The following SFXN1 variants were observed in gnomAD, a reference collection of about 807,000 sequenced individuals.
SFXN1 encodes the protein sideroflexin 1.
Under a neutral mutation model 39.5 loss-of-function variants are expected in SFXN1, and 32 were observed. That is an observed-to-expected ratio of 0.81 (90% CI 0.61 to 1.09). The LOEUF (loss-of-function observed/expected upper bound fraction) is 1.09, where lower values mean the gene tolerates loss of function less well. SFXN1 is among the 50% of genes least tolerant of loss of function. The pLI is 0.00. For missense variants in SFXN1, 402 were observed against 407.1 expected (o/e 0.99, Z 0.11); for synonymous variants, 136 against 146.5 (o/e 0.93, Z 0.52).
At chr5:175,500,482 G>GT (rs1338920786) in intron 2 of SFXN1, among the ~76,000 whole-genome samples, 2 of 149,720 alleles carry the variant, frequency 1.3e-5, no homozygotes, top group Non-Finnish European at 3.0e-5. Context: ...CAGAGCTTGG[G>GT]TTTTTTTAAA....
rs115077320 is a variant in SFXN1 at position 175,521,832 on chromosome 5, G to A, written c.775-87G>A. 8,878 of 1,043,826 alleles carry A rather than the reference G, an allele frequency of 8.5e-3. 511 individuals carry two copies. In the African/African-American group the frequency reaches 0.12, roughly 14 times the overall value. 64.7% of individuals were successfully genotyped at this position (1,043,826 alleles called of 1,614,324 possible). Reference sequence around the variant, plus strand: ...TGTTCTATCTGAATCTTGAAATGTGGTGAGAGGTTCCTTCCAGTTAATCAG... The same window carrying A: ...TGTTCTATCTGAATCTTGAAATGTGATGAGAGGTTCCTTCCAGTTAATCAG... On this transcript the variant is annotated intron_variant, in intron 8 of 10. Coordinates refer to ENST00000321442, the MANE Select transcript of SFXN1 (RefSeq NM_022754.7).
Position 175,513,434 on chromosome 5 carries a change from G to A in SFXN1, c.597-29G>A, listed in dbSNP as rs190209027. On this transcript the variant is annotated intron_variant, in intron 6 of 10. Coordinates refer to ENST00000321442, the MANE Select transcript of SFXN1 (RefSeq NM_022754.7). ...AGGACGTTTATTGAAGGCATTGGTG[G>A]AGCTCTCTGTATGTGTTTTGCTCTG... 5,894 of 1,607,902 alleles carry A rather than the reference G, an allele frequency of 3.7e-3. 16 individuals carry two copies. The highest frequency in any genetic ancestry group is 0.013 in the Middle Eastern group (79 of 6,030).
intron 1 of SFXN1, among the ~76,000 whole-genome samples, chr5:175,485,544 T>A (rs1483978674): frequency 6.6e-6 from 1 of 152,212 alleles, no homozygotes; most frequent in Non-Finnish European, 1.5e-5. Flanking sequence ...TATTCCAGGA[T>A]CATGCCTGCA....
At chr5:175,508,510 C>T (rs1447290718) in intron 2 of SFXN1, among the ~76,000 whole-genome samples, 2 of 152,072 alleles carry the variant, frequency 1.3e-5, no homozygotes, top group African/African-American at 2.4e-5. Flanking sequence ...GCTGAGATTA[C>T]AGGCATAAGC....
At chr5:175,482,982 G>A (rs1221273786) in intron 1 of SFXN1, among the ~76,000 whole-genome samples, 5 of 152,148 alleles carry the variant, frequency 3.3e-5, no homozygotes, top group Non-Finnish European at 1.5e-5. Flanking sequence ...GAGTACATAA[G>A]AGGCCTTCAG....
intron 1 of SFXN1, among the ~76,000 whole-genome samples, chr5:175,486,126 A>C (rs529969515): frequency 6.6e-6 from 1 of 151,852 alleles, no homozygotes; most frequent in Non-Finnish European, 1.5e-5. Flanking sequence ...AGTAACCTTA[A>C]GGTTATTGTA....
At position 175,510,160 on chromosome 5, in the gene SFXN1, C is replaced by G. The variant is rs549577181; in HGVS notation, c.387C>G (p.Ala129=). Residue 129 remains alanine, a synonymous_variant, in exon 4 of 11, where the codon GCC becomes GCG. Transcript: ENST00000321442. The part of the protein sequence containing the change: ...FWQWINQSFN[A]VVNYTNRSGD... ...AGTGGATTAACCAGTCCTTCAATGC[C>G]GTCGTCAATTACACCAACAGAAGTG... 1 of 1,613,212 alleles carries G rather than the reference C, an allele frequency of 6.2e-7. No homozygotes were observed.
intron 7 of SFXN1, among the ~76,000 whole-genome samples, chr5:175,514,990 G>C (rs1760672056): frequency 6.6e-6 from 1 of 152,196 alleles, no homozygotes; most frequent in African/African-American, 2.4e-5. Context: ...TGCGGCTCCA[G>C]CTTCTGCCCT....
At chr5:175,524,117 AAAAAAAAAATATAT>A (rs1210738782) in intron 10 of SFXN1, 1 of 53,450 alleles carries the variant, frequency 1.9e-5, no homozygotes, top group Non-Finnish European at 3.2e-5. Flanking sequence ...AAAAAAAAAA[AAAAAAAAAATATAT>A]ATATATATAT....
chr5:175,514,893 C>T (rs537401791), intron 7 of SFXN1, among the ~76,000 whole-genome samples: 20 of 152,356 alleles, frequency 1.3e-4, no homozygotes, highest in African/African-American at 4.3e-4. Flanking sequence ...GGGACCAGCA[C>T]GTTTGTCACT....
In SFXN1 at chr5:175,524,126, ATATATATATATAT is replaced by A. The variant is rs1231726623; in HGVS notation, c.872+1705_872+1717del. On this transcript the variant is annotated intron_variant, in intron 10 of 10. Transcript: ENST00000321442. ...CTCAAAAAAAAAAAAAAAAAAAAAAATATATATATATATATATATATATATATATATATATATA... is the reference window on the plus strand; with the variant it reads ...CTCAAAAAAAAAAAAAAAAAAAAAAAATATATATATATATATATATATATA... The A allele has an allele frequency of 4.4e-4, 9 of 20,270 alleles. No individual in the cohort carries two copies. In the South Asian group the frequency reaches 9.7e-3, roughly 22 times the overall value. The allele number at this position is 20,270 out of a possible 1,614,324, so 1.3% of individuals were successfully genotyped here.
At chr5:175,496,685 A>G (rs1158166075) in intron 2 of SFXN1, among the ~76,000 whole-genome samples, 1 of 152,220 alleles carries the variant, frequency 6.6e-6, no homozygotes, top group East Asian at 1.9e-4. Context: ...TGATGATATG[A>G]CATCCCACTT....
intron 10 of SFXN1, among the ~76,000 whole-genome samples, chr5:175,525,601 T>C (rs1761035341): frequency 6.6e-6 from 1 of 152,210 alleles, no homozygotes; most frequent in Non-Finnish European, 1.5e-5. Flanking sequence ...ATGTCAACTA[T>C]ATTAATCAAT....
intron 10 of SFXN1, chr5:175,523,048 C>T (rs1760930339): frequency 6.6e-6 from 1 of 152,396 alleles, no homozygotes; most frequent in African/African-American, 2.4e-5. Flanking sequence ...GGCCCCTTGC[C>T]TTGGTAATAC....
rs570772406 is a variant in SFXN1, at chr5:175,496,658, A to G, written c.164+4391A>G. Among the ~76,000 whole-genome samples, 13 of 152,358 alleles carry G rather than the reference A, an allele frequency of 8.5e-5. No homozygotes were observed. In the South Asian group the frequency reaches 1.4e-3, roughly 17 times the overall value. ...TCAAAGACTTTAAAATTGGGTGGAA[A>G]CACTTAAAAAGCTCAGTGATGATAT... On this transcript the variant is annotated intron_variant, in intron 2 of 10. Transcript: ENST00000321442.
At chr5:175,518,325 C>T (rs1396819168) in intron 8 of SFXN1, among the ~76,000 whole-genome samples, 1 of 152,086 alleles carries the variant, frequency 6.6e-6, no homozygotes, top group Admixed American at 6.6e-5. Context: ...TGTGTCTACT[C>T]AGTAGGCTTT....
intron 8 of SFXN1, among the ~76,000 whole-genome samples, chr5:175,520,380 A>G (rs901769023): frequency 2.0e-5 from 3 of 152,192 alleles, no homozygotes; most frequent in African/African-American, 4.8e-5. Flanking sequence ...AACACCAAAC[A>G]TCCTCAGCTG....
chr5:175,503,308 C>T (rs1167680213), intron 2 of SFXN1, among the ~76,000 whole-genome samples: 1 of 152,094 alleles, frequency 6.6e-6, no homozygotes, highest in African/African-American at 2.4e-5. Flanking sequence ...TTCATTGCAA[C>T]CCTGATACAA....
chr5:175,500,016 T>G (rs368849247), intron 2 of SFXN1, among the ~76,000 whole-genome samples: 1 of 152,098 alleles, frequency 6.6e-6, no homozygotes, highest in East Asian at 1.9e-4. Flanking sequence ...TGGTGAAACC[T>G]TGTCTCTACT....
Sources: allele counts gnomAD v4.1 joint callset (sites outside exome capture counted in the v4.1 genomes callset), GRCh38; gene constraint gnomAD v4.1.1; transcripts MANE v1.5; gene names NCBI Gene and HGNC (gene_info 2026-07-23, HGNC 2026-07-21).